ALCAM: variants seen among roughly 807,000 people sequenced by gnomAD.
ALCAM encodes activated leukocyte cell adhesion molecule.
ALCAM carries 30 observed loss-of-function variants against 70.9 expected under a neutral mutation model. The observed-to-expected ratio is 0.42, with a 90% CI of 0.32 to 0.57. The LOEUF is 0.57. Ranked by LOEUF, ALCAM falls within the 20% of genes least tolerant of loss-of-function variation. The pLI is 0.11. For missense variants in ALCAM, 591 were observed against 695.1 expected (o/e 0.85, Z 1.68); for synonymous variants, 249 against 242.5 (o/e 1.03, Z -0.25).
chr3:105,569,710 T>C (rs1289538172), intron 14 of ALCAM, among the ~76,000 whole-genome samples: 1 of 152,182 alleles, frequency 6.6e-6, no homozygotes, highest in African/African-American at 2.4e-5. Flanking sequence ...GGATAAAATA[T>C]AAATAAAACA....
chr3:105,535,068 G>A (rs755632205), intron 6 of ALCAM, among the ~76,000 whole-genome samples: 1 of 151,918 alleles, frequency 6.6e-6, no homozygotes, highest in Non-Finnish European at 1.5e-5. Flanking sequence ...TTATCTATGA[G>A]TGTCTCTTCT....
chr3:105,456,274 C>T (rs1937534422), intron 1 of ALCAM, among the ~76,000 whole-genome samples: 1 of 152,294 alleles, frequency 6.6e-6, no homozygotes, highest in African/African-American at 2.4e-5. Context: ...TCTACCCTAC[C>T]ACCAGCTTGT....
chr3:105,401,729 A>C (rs1936093909), intron 1 of ALCAM, among the ~76,000 whole-genome samples: 1 of 152,142 alleles, frequency 6.6e-6, no homozygotes, highest in African/African-American at 2.4e-5. Flanking sequence ...TAGCCCTTTT[A>C]ATGACCCCGT....
At chr3:105,502,054 C>T (rs558598624) in intron 1 of ALCAM, among the ~76,000 whole-genome samples, 32 of 152,286 alleles carry the variant, frequency 2.1e-4, no homozygotes, top group African/African-American at 7.7e-4. Context: ...AATAAGAAAT[C>T]TGACATACTA....
chr3:105,537,918 G>A (rs1940013570), intron 6 of ALCAM, among the ~76,000 whole-genome samples: 3 of 152,086 alleles, frequency 2.0e-5, no homozygotes, highest in Non-Finnish European at 4.4e-5. Context: ...ATAAATACAT[G>A]AAAAGAAAAT....
At chr3:105,470,076 C>T (rs1223792250) in intron 1 of ALCAM, among the ~76,000 whole-genome samples, 1 of 146,690 alleles carries the variant, frequency 6.8e-6, no homozygotes, top group Non-Finnish European at 1.5e-5. Flanking sequence ...ATACCATACA[C>T]ACACATTTAT....
chr3:105,367,302 T>C lies in ALCAM; in HGVS notation c.-107T>C. The C allele has an allele frequency of 9.3e-7, 1 of 1,079,662 alleles. No individual in the cohort carries two copies. Among genetic ancestry groups the C allele is most frequent in the South Asian group, 1.4e-5 (1 of 72,450 alleles). The allele number at this position is 1,079,662 out of a possible 1,614,324, so 66.9% of individuals were successfully genotyped here. On this transcript the variant is annotated 5_prime_UTR_variant, in exon 1 of 16. Transcript: ENST00000306107. ...GGACGGTGTGTCTGGGAGAAGACGC[T>C]GCCCCTGCGTCGGGACCCGCCAGCG...
intron 1 of ALCAM, among the ~76,000 whole-genome samples, chr3:105,378,608 A>G (rs1935436705): frequency 6.8e-6 from 1 of 147,396 alleles, no homozygotes; most frequent in African/African-American, 2.5e-5. Context: ...GCCTCAATGG[A>G]TACTGGCTAG....
In ALCAM at chr3:105,552,464, G is replaced by A. The variant is rs1312987542; in HGVS notation, c.1547-4G>A. 6.2e-7 allele frequency: 1 copy of A among 1,610,540 alleles called. No individual in the cohort carries two copies. Among genetic ancestry groups the A allele is most frequent in the African/African-American group, 1.3e-5 (1 of 74,770 alleles). On this transcript the variant is annotated splice_polypyrimidine_tract_variant and splice_region_variant and intron_variant, in intron 13 of 15. Coordinates refer to ENST00000306107, the MANE Select transcript of ALCAM (RefSeq NM_001627.4). ...ATTGCATGGACTTTTCTTCTTTGTT[G>A]CAGATGAAAACAGAGAAAAGGTGAA...
At chr3:105,423,565 C>A (rs1452875395) in intron 1 of ALCAM, among the ~76,000 whole-genome samples, 1 of 149,516 alleles carries the variant, frequency 6.7e-6, no homozygotes, top group Non-Finnish European at 1.5e-5. Flanking sequence ...GTGTTTCTGC[C>A]TAATTCTCCT....
intron 1 of ALCAM, among the ~76,000 whole-genome samples, chr3:105,496,493 G>A (rs1182575054): frequency 1.3e-5 from 2 of 151,820 alleles, no homozygotes; most frequent in Admixed American, 6.5e-5. Flanking sequence ...ACACTAAACA[G>A]GCTGTTACAA....
At chr3:105,461,712 C>A (rs1368828078) in intron 1 of ALCAM, among the ~76,000 whole-genome samples, 1 of 151,728 alleles carries the variant, frequency 6.6e-6, no homozygotes, top group East Asian at 1.9e-4. Context: ...AGAACTAGAA[C>A]CATTTCTCCT....
chr3:105,409,160 G>A (rs1185766358), intron 1 of ALCAM, among the ~76,000 whole-genome samples: 1 of 151,912 alleles, frequency 6.6e-6, no homozygotes, highest in Non-Finnish European at 1.5e-5. Flanking sequence ...AAAACTAAAA[G>A]TAGATCTACT....
chr3:105,547,053 TC>T, intron 9 of ALCAM, 95 bp from the exon 10 acceptor site: 3 of 1,026,946 alleles, frequency 2.9e-6, no homozygotes, highest in South Asian at 5.9e-5. Flanking sequence ...TTTATATTAT[TC>T]CCAGAAGAAT....
chr3:105,547,300 G>T lies in ALCAM; in HGVS notation c.1240+16G>T, dbSNP rs779834315. On this transcript the variant is annotated intron_variant, in intron 10 of 15. Coordinates refer to ENST00000306107, the MANE Select transcript of ALCAM (RefSeq NM_001627.4). ...ATTGTAGAAGGTAATAAAATACTTG[G>T]GCACTAATTCAAATTGTTCTTTGAG... is the stretch of plus-strand genomic sequence containing the variant. 6.3e-7 allele frequency: 1 copy of T among 1,582,482 alleles called. No individual in the cohort carries two copies. The highest frequency in any genetic ancestry group is 8.6e-7 in the Non-Finnish European group (1 of 1,166,186).
intron 1 of ALCAM, among the ~76,000 whole-genome samples, chr3:105,390,408 A>C (rs975523172): frequency 3.6e-4 from 55 of 151,822 alleles, no homozygotes; most frequent in African/African-American, 1.3e-3. Context: ...TTTGAGAACT[A>C]TCTCTTCATA....
At chr3:105,430,143 G>A (rs1301554508) in intron 1 of ALCAM, among the ~76,000 whole-genome samples, 3 of 151,858 alleles carry the variant, frequency 2.0e-5, no homozygotes, top group South Asian at 4.1e-4. Context: ...GTATAGAAAA[G>A]TTGTAAAACT....
intron 1 of ALCAM, among the ~76,000 whole-genome samples, chr3:105,375,413 C>G (rs1203898105): frequency 1.3e-5 from 2 of 152,124 alleles, no homozygotes; most frequent in Non-Finnish European, 2.9e-5. Context: ...ATTTTTAACC[C>G]ATTTAAATTT....
At chr3:105,482,274 G>T (rs916704492) in intron 1 of ALCAM, among the ~76,000 whole-genome samples, 2 of 151,962 alleles carry the variant, frequency 1.3e-5, no homozygotes, top group Non-Finnish European at 2.9e-5. Flanking sequence ...CATCACGCTG[G>T]CTAATTTTGA....
Sources: gnomAD v4.1 joint callset for allele counts (sites outside exome capture counted in the v4.1 genomes callset) on GRCh38, gnomAD v4.1.1 for gene constraint, MANE v1.5 for transcripts, NCBI Gene and HGNC (gene_info 2026-07-23, HGNC 2026-07-21) for gene names.